The following DMD variants were observed in gnomAD, a reference collection of about 807,000 sequenced individuals.
DMD encodes dystrophin, also known as mutant dystrophin.
In DMD, 63 loss-of-function variants were observed where a neutral mutation model predicts 330.1. That is an observed-to-expected ratio of 0.19 (90% CI 0.16 to 0.24). The LOEUF (loss-of-function observed/expected upper bound fraction) is 0.24, where lower values mean the gene tolerates loss of function less well. Among genes scored for constraint, DMD ranks in the 10% least tolerant of loss-of-function variants. The probability of loss-of-function intolerance (pLI) is 1.00; values close to 1 mark genes in which losing one functional copy is unlikely to be tolerated. For missense variants in DMD, 3,344 were observed against 2,684.1 expected, an observed-to-expected ratio of 1.25 and a Z score of -5.43; for synonymous variants, 1,223 against 959.8, an observed-to-expected ratio of 1.27 and a Z score of -5.07.
intron 45 of DMD, among the ~76,000 whole-genome samples, chrX:31,932,548 C>A (rs2094870342): frequency 9.0e-6 from 1 of 111,397 alleles, no homozygotes; most frequent in African/African-American, 3.3e-5. Context: ...GAGTTTGCGA[C>A]CAGCCTGGCA....
At chrX:33,020,826 G>A (rs1401698389) in intron 1 of DMD, among the ~76,000 whole-genome samples, 1 of 111,362 alleles carries the variant, frequency 9.0e-6, no homozygotes, top group African/African-American at 3.3e-5. Flanking sequence ...ACTCTCAGCT[G>A]TCATTTACTC....
intron 9 of DMD, among the ~76,000 whole-genome samples, chrX:32,692,538 C>T (rs2063352706): frequency 9.0e-6 from 1 of 111,681 alleles, no homozygotes. Flanking sequence ...TCTGCCTCAT[C>T]CCCTCCCAAC....
At chrX:32,344,836 G>T (rs2097758724) in intron 39 of DMD, among the ~76,000 whole-genome samples, 1 of 111,505 alleles carries the variant, frequency 9.0e-6, no homozygotes, top group Non-Finnish European at 1.9e-5. Flanking sequence ...CAGTTGGAAG[G>T]GTGTGAGTTA....
intron 2 of DMD, among the ~76,000 whole-genome samples, chrX:32,855,140 A>G (rs999231649): frequency 3.6e-5 from 4 of 111,919 alleles, no homozygotes; most frequent in African/African-American, 1.3e-4. Flanking sequence ...TTCATGATAA[A>G]AACTCTCAAA....
At chrX:31,366,461 T>C (rs1271686221) in intron 60 of DMD, among the ~76,000 whole-genome samples, 2 of 50,822 alleles carry the variant, frequency 3.9e-5, no homozygotes, top group African/African-American at 1.8e-4. Flanking sequence ...ATCCACTCTC[T>C]CTCTCTCTCA....
intron 59 of DMD, 130 bp downstream of exon 59, chrX:31,477,976 A>G: frequency 4.3e-6 from 3 of 704,790 alleles, no homozygotes; most frequent in Non-Finnish European, 6.4e-6. Context: ...GTGAATGAAG[A>G]CTGAATTTGT....
intron 37 of DMD, among the ~76,000 whole-genome samples, chrX:32,350,106 T>A (rs899527246): frequency 9.0e-6 from 1 of 111,592 alleles, no homozygotes; most frequent in Non-Finnish European, 1.9e-5. Context: ...ATAATGATAA[T>A]GTTGAAAATA....
At chrX:32,232,205 C>T (rs954045341) in intron 43 of DMD, among the ~76,000 whole-genome samples, 5 of 111,564 alleles carry the variant, frequency 4.5e-5, no homozygotes, top group African/African-American at 9.8e-5. Flanking sequence ...CCTATTCTGC[C>T]GGGAGTTGCA....
intron 13 of DMD, among the ~76,000 whole-genome samples, chrX:32,581,350 C>G (rs1478671045): frequency 8.9e-6 from 1 of 112,171 alleles, no homozygotes; most frequent in Admixed American, 9.4e-5. Flanking sequence ...AACTTGACTC[C>G]TGCTCTGGTT....
At chrX:31,865,082 A>G (rs774689198) in intron 48 of DMD, among the ~76,000 whole-genome samples, 5 of 112,259 alleles carry the variant, frequency 4.5e-5, no homozygotes, top group Non-Finnish European at 9.4e-5. Context: ...CAACTCAGCA[A>G]TGGTTTTTGG....
chrX:32,582,516 A>G (rs754495226), intron 13 of DMD, among the ~76,000 whole-genome samples: 6 of 112,007 alleles, frequency 5.4e-5, no homozygotes, highest in Admixed American at 9.5e-5. Context: ...GGATTGAAAG[A>G]CTTTACATAA....
chrX:32,652,078 T>C (rs2060196713), intron 9 of DMD, among the ~76,000 whole-genome samples: 1 of 111,850 alleles, frequency 8.9e-6, no homozygotes, highest in African/African-American at 3.2e-5. Flanking sequence ...TGGGGTATTT[T>C]AGTTTTTAAA....
chrX:32,468,319 T>C (rs1347305685), intron 23 of DMD, among the ~76,000 whole-genome samples, 179 bp downstream of exon 23: 2 of 111,343 alleles, frequency 1.8e-5, no homozygotes, highest in Non-Finnish European at 1.9e-5. Context: ...TCCTATTCTT[T>C]TCCTAGAAGG....
At chrX:32,824,260 A>T (rs999475858) in intron 4 of DMD, among the ~76,000 whole-genome samples, 1 of 111,564 alleles carries the variant, frequency 9.0e-6, no homozygotes, top group Non-Finnish European at 1.9e-5. Context: ...TTGAGCATTT[A>T]TCTCAAGGAA....
rs3078867 is a variant in DMD at position 32,811,176 on chromosome X, A to T, written c.531-1565T>A. On this transcript the variant is annotated intron_variant, in intron 6 of 78. Transcript: ENST00000357033. ...TAGTGAGACCTGGTCTCTACAACTT[A>T]TTAAAAAAAAAAAAAAAAAATAGCC... 4.0e-3 allele frequency among the ~76,000 whole-genome samples: 354 copies of T among 88,809 alleles called. 1 individual carries two copies. Among genetic ancestry groups the T allele is most frequent in the East Asian group, 0.034 (110 of 3,205 alleles). 77.1% of individuals were successfully genotyped at this position (88,809 alleles called of 115,157 possible). A position where few individuals can be genotyped will look rare whatever the true frequency, so the allele number is the denominator to read the frequency against.
rs971347404 is a variant in DMD, at chrX:32,554,899, A to C, written c.1993-9565T>G. Among the ~76,000 whole-genome samples, 305 of 33,503 alleles carry C rather than the reference A, an allele frequency of 9.1e-3. 3 individuals are homozygous for C. Among genetic ancestry groups the C allele is most frequent in the Middle Eastern group, 0.012 (1 of 84 alleles). The allele number at this position is 33,503 out of a possible 115,157, so 29.1% of individuals were successfully genotyped here. ...GAAAGAAGAAAGAAAGAAAGAAAGAAAGAAAGAAAGAAAGAAAGAAAGAAA... is the reference window on the plus strand; with the variant it reads ...GAAAGAAGAAAGAAAGAAAGAAAGACAGAAAGAAAGAAAGAAAGAAAGAAA... On this transcript the variant is annotated intron_variant, in intron 16 of 78. Coordinates refer to ENST00000357033, the MANE Select transcript of DMD (RefSeq NM_004006.3).
chrX:32,685,370 A>C (rs1297641288), intron 9 of DMD, among the ~76,000 whole-genome samples: 1 of 111,925 alleles, frequency 8.9e-6, no homozygotes, highest in East Asian at 2.8e-4. Context: ...TATCTTAGGA[A>C]GCAGATAATT....
intron 2 of DMD, among the ~76,000 whole-genome samples, chrX:32,971,023 G>A (rs2092358906): frequency 9.1e-6 from 1 of 109,896 alleles, no homozygotes; most frequent in Non-Finnish European, 1.9e-5. Context: ...GTGCAGTGGC[G>A]CAATTTCGGC....
chrX:31,585,411 A>C (rs757555123), intron 55 of DMD, among the ~76,000 whole-genome samples: 4 of 108,439 alleles, frequency 3.7e-5, no homozygotes, highest in African/African-American at 1.3e-4. Flanking sequence ...CGACTTGCCG[A>C]ACCAGTCTAA....
Sources: allele counts gnomAD v4.1 joint callset (sites outside exome capture counted in the v4.1 genomes callset), GRCh38; gene constraint gnomAD v4.1.1; transcripts MANE v1.5; gene names NCBI Gene and HGNC (gene_info 2026-07-23, HGNC 2026-07-21).